The following BANK1 variants were observed in gnomAD, a reference collection of about 807,000 sequenced individuals.
BANK1 encodes the protein B-cell scaffold protein with ankyrin repeats.
A neutral mutation model predicts 94.5 loss-of-function variants in BANK1; 95 were observed. That is an observed-to-expected ratio of 1.00 (90% CI 0.85 to 1.19). The LOEUF (loss-of-function observed/expected upper bound fraction) is 1.19. Among genes scored for constraint, BANK1 ranks in the 50% most tolerant of loss-of-function variants. The pLI, the probability that BANK1 is intolerant of heterozygous loss-of-function variation, is 0.00. For missense variants in BANK1, 987 were observed against 932.2 expected (o/e 1.06, Z -0.77); for synonymous variants, 334 against 308.4 (o/e 1.08, Z -0.87).
chr4:101,805,668 A>G (rs544043287), intron 1 of BANK1, among the ~76,000 whole-genome samples: 9 of 150,818 alleles, frequency 6.0e-5, no homozygotes, highest in Non-Finnish European at 1.3e-4. Flanking sequence ...TATTATTTAT[A>G]TGTACAGCCT....
At chr4:101,906,477 C>T (rs1196959538) in intron 6 of BANK1, among the ~76,000 whole-genome samples, 1 of 152,070 alleles carries the variant, frequency 6.6e-6, no homozygotes, top group African/African-American at 2.4e-5. Context: ...CCACTTTTTG[C>T]CCAGTGTCCT....
chr4:101,831,458 A>G (rs770651308), intron 2 of BANK1, among the ~76,000 whole-genome samples: 1 of 152,054 alleles, frequency 6.6e-6, no homozygotes, highest in Non-Finnish European at 1.5e-5. Flanking sequence ...ACCTCTTCAA[A>G]TTCAATGGTT....
chr4:101,947,474 GAAT>G (rs1723976505), intron 7 of BANK1, among the ~76,000 whole-genome samples: 1 of 150,928 alleles, frequency 6.6e-6, no homozygotes, highest in African/African-American at 2.4e-5. Context: ...TCATTTAATT[GAAT>G]TTATTAAAGA....
chr4:102,006,884 C>T (rs557766143), intron 7 of BANK1, among the ~76,000 whole-genome samples: 1 of 150,124 alleles, frequency 6.7e-6, no homozygotes, highest in South Asian at 2.1e-4. Flanking sequence ...ACATGTGTCT[C>T]ATCAATCTAC....
At chr4:101,898,348 T>G (rs1722162281) in intron 6 of BANK1, among the ~76,000 whole-genome samples, 1 of 151,900 alleles carries the variant, frequency 6.6e-6, no homozygotes, top group Non-Finnish European at 1.5e-5. Context: ...ATCAAGGGAA[T>G]TGGAAAGAGA....
chr4:101,822,135 A>G (rs1323418645), intron 1 of BANK1, among the ~76,000 whole-genome samples: 2 of 152,102 alleles, frequency 1.3e-5, no homozygotes, highest in African/African-American at 4.8e-5. Flanking sequence ...TGGGTGGATC[A>G]CTTGAGCCCA....
At chr4:101,817,555 A>G (rs1365702577) in intron 1 of BANK1, among the ~76,000 whole-genome samples, 3 of 152,136 alleles carry the variant, frequency 2.0e-5, no homozygotes, top group Non-Finnish European at 4.4e-5. Context: ...GAGGGAGAGG[A>G]TCAGGAAGAA....
chr4:101,913,230 A>G (rs6532979), intron 6 of BANK1, among the ~76,000 whole-genome samples: 120,141 of 152,034 alleles, frequency 0.79, 48,424 homozygotes, highest in Non-Finnish European at 0.88. Flanking sequence ...AATGTAGAGG[A>G]AAAGAATGCA....
intron 4 of BANK1, among the ~76,000 whole-genome samples, chr4:101,862,930 C>G (rs1438427367): frequency 6.6e-6 from 1 of 151,932 alleles, no homozygotes; most frequent in Non-Finnish European, 1.5e-5. Context: ...CAGCAGAGAG[C>G]ATTTTAATTT....
Position 101,846,230 on chromosome 4 carries a change from G to A in BANK1, c.470-8805G>A, listed in dbSNP as rs534921731. On this transcript the variant is annotated intron_variant, in intron 2 of 16. Transcript: ENST00000322953. Reference sequence around the variant, plus strand: ...GAAAATGTGGCACATATATACCATGGAATACTATGCAGCCATACAAAATGA... The same window carrying A: ...GAAAATGTGGCACATATATACCATGAAATACTATGCAGCCATACAAAATGA... Among the ~76,000 whole-genome samples the A allele has an allele frequency of 6.6e-4, 101 of 152,290 alleles. No individual in the cohort carries two copies. In the South Asian group the frequency reaches 0.019, roughly 28 times the overall value.
intron 2 of BANK1, among the ~76,000 whole-genome samples, chr4:101,852,968 G>T (rs1727545813): frequency 6.6e-6 from 1 of 151,866 alleles, no homozygotes; most frequent in Admixed American, 6.6e-5. Flanking sequence ...CCATTTCTTA[G>T]TTTTTCTACA....
At position 101,936,290 on chromosome 4, in the gene BANK1, T is replaced by C. The variant is rs75072242; in HGVS notation, c.1206+18101T>C. On this transcript the variant is annotated intron_variant, in intron 7 of 16. Coordinates refer to ENST00000322953, the MANE Select transcript of BANK1 (RefSeq NM_017935.5). ...ATGCATACATGTATATGTACACATA[T>C]ATGCACACATACATGCATATGTACA... Among the ~76,000 whole-genome samples the C allele has an allele frequency of 4.6e-3, 697 of 150,412 alleles. 12 individuals are homozygous for C. In the East Asian group the frequency reaches 0.056, roughly 12 times the overall value.
intron 7 of BANK1, among the ~76,000 whole-genome samples, chr4:101,986,169 C>A (rs193294646): frequency 6.6e-6 from 1 of 152,068 alleles, no homozygotes; most frequent in African/African-American, 2.4e-5. Flanking sequence ...GTGAGAAAGG[C>A]ACCAATAAAT....
At chr4:101,949,285 A>G (rs1724050544) in intron 7 of BANK1, among the ~76,000 whole-genome samples, 1 of 152,178 alleles carries the variant, frequency 6.6e-6, no homozygotes, top group African/African-American at 2.4e-5. Flanking sequence ...GAAAGCAAAG[A>G]TATGCAAACT....
chr4:101,972,771 T>C (rs953018959), intron 7 of BANK1: 1 of 152,108 alleles, frequency 6.6e-6, no homozygotes, highest in Non-Finnish European at 1.5e-5. Flanking sequence ...GAACTTAACC[T>C]TATAACAAAT....
At chr4:101,930,171 T>A (rs2148905031) in intron 7 of BANK1, among the ~76,000 whole-genome samples, 1 of 151,328 alleles carries the variant, frequency 6.6e-6, no homozygotes, top group East Asian at 2.0e-4. Context: ...TTTATGAGAG[T>A]GTGTGTTCAT....
intron 7 of BANK1, among the ~76,000 whole-genome samples, chr4:101,942,291 A>C (rs1018302219): frequency 4.0e-5 from 6 of 151,894 alleles, no homozygotes; most frequent in African/African-American, 1.4e-4. Context: ...TGCATATGAA[A>C]GTTCTATGCC....
At chr4:102,048,572 G>C (rs1335870870) in intron 11 of BANK1, among the ~76,000 whole-genome samples, 1 of 152,086 alleles carries the variant, frequency 6.6e-6, no homozygotes, top group Non-Finnish European at 1.5e-5. Context: ...TTATTTGGTA[G>C]AACAATAAAA....
chr4:102,049,777 C>T (rs1427938889), intron 11 of BANK1, among the ~76,000 whole-genome samples: 1 of 152,188 alleles, frequency 6.6e-6, no homozygotes, highest in Admixed American at 6.5e-5. Flanking sequence ...TCATCAGCAG[C>T]TTCCCAGTAA....
Sources: allele counts gnomAD v4.1 joint callset (sites outside exome capture counted in the v4.1 genomes callset), GRCh38; gene constraint gnomAD v4.1.1; transcripts MANE v1.5; gene names NCBI Gene and HGNC (gene_info 2026-07-23, HGNC 2026-07-21).